TOX: variants seen among roughly 807,000 people sequenced by gnomAD.
TOX encodes the protein thymocyte selection associated high mobility group box.
A neutral mutation model predicts 53.7 loss-of-function variants in TOX; 11 were observed. The observed-to-expected ratio is 0.20, with a 90% CI of 0.13 to 0.34. TOX has a LOEUF of 0.34. TOX is among the 10% of genes least tolerant of loss of function. The probability of loss-of-function intolerance (pLI) is 1.00; values close to 1 mark genes in which losing one functional copy is unlikely to be tolerated. For missense variants in TOX, 570 were observed against 664.6 expected (o/e 0.86, Z 1.56); for synonymous variants, 225 against 245.3 (o/e 0.92, Z 0.77).
intron 2 of TOX, among the ~76,000 whole-genome samples, chr8:58,945,234 T>G (rs1400180656): frequency 1.3e-5 from 2 of 152,220 alleles, no homozygotes; most frequent in Non-Finnish European, 2.9e-5. Flanking sequence ...TCTAAATTTG[T>G]ACAAAAGCTA....
intron 1 of TOX, among the ~76,000 whole-genome samples, chr8:58,960,782 C>G (rs1340318648): frequency 6.6e-6 from 1 of 152,210 alleles, no homozygotes; most frequent in Non-Finnish European, 1.5e-5. Context: ...CAACAAAATA[C>G]TTTTCAGTAT....
At chr8:58,969,374 C>A (rs1183721295) in intron 1 of TOX, among the ~76,000 whole-genome samples, 1 of 152,174 alleles carries the variant, frequency 6.6e-6, no homozygotes, top group African/African-American at 2.4e-5. Flanking sequence ...CGAAGCAAAG[C>A]TCTGTTTACA....
At chr8:58,971,220 G>C (rs1481521924) in intron 1 of TOX, among the ~76,000 whole-genome samples, 1 of 152,232 alleles carries the variant, frequency 6.6e-6, no homozygotes, top group Non-Finnish European at 1.5e-5. Flanking sequence ...ATCTGTAGCA[G>C]CACGATGAGG....
chr8:59,086,164 T>C (rs563117838), intron 1 of TOX, among the ~76,000 whole-genome samples: 160 of 152,092 alleles, frequency 1.1e-3, no homozygotes, highest in African/African-American at 3.3e-3. Context: ...TTTGTGTTTT[T>C]AGTAGAGATG....
chr8:58,859,505 T>C (rs896484169), intron 3 of TOX, among the ~76,000 whole-genome samples: 2 of 152,166 alleles, frequency 1.3e-5, no homozygotes, highest in Non-Finnish European at 2.9e-5. Flanking sequence ...ATACCTGTAG[T>C]TTAGTTAGGG....
chr8:58,983,755 C>CT (rs1333877692), intron 1 of TOX, among the ~76,000 whole-genome samples: 1 of 152,146 alleles, frequency 6.6e-6, no homozygotes, highest in African/African-American at 2.4e-5. Flanking sequence ...CCCTTTTGCC[C>CT]TGTAGAGGTT....
chr8:59,048,315 G>C (rs1803725704), intron 1 of TOX, among the ~76,000 whole-genome samples: 1 of 152,178 alleles, frequency 6.6e-6, no homozygotes, highest in Admixed American at 6.5e-5. Flanking sequence ...CTATTAGATT[G>C]TGTTCAGCAA....
At chr8:58,880,604 A>G (rs549717482) in intron 3 of TOX, among the ~76,000 whole-genome samples, 18 of 152,330 alleles carry the variant, frequency 1.2e-4, no homozygotes, top group Admixed American at 1.2e-3. Flanking sequence ...TTCTGCTAGA[A>G]TAAGACCCTG....
At chr8:58,887,521 A>C (rs971562557) in intron 3 of TOX, among the ~76,000 whole-genome samples, 3 of 151,818 alleles carry the variant, frequency 2.0e-5, no homozygotes, top group Admixed American at 1.3e-4. Flanking sequence ...TTTTTATAGA[A>C]TTTTCAAACT....
intron 1 of TOX, among the ~76,000 whole-genome samples, chr8:58,990,071 A>G (rs1409588485): frequency 1.3e-5 from 2 of 152,210 alleles, no homozygotes; most frequent in Non-Finnish European, 2.9e-5. Context: ...TGCAATATTT[A>G]CTATATCCCA....
intron 3 of TOX, among the ~76,000 whole-genome samples, chr8:58,887,533 A>G (rs959536477): frequency 1.1e-4 from 16 of 151,914 alleles, no homozygotes; most frequent in Admixed American, 3.9e-4. Context: ...TTTCAAACTT[A>G]TTTACAAGGA....
Position 58,851,821 on chromosome 8 carries a change from AAATAAATAAAT to A in TOX, c.412-27_412-17del, listed in dbSNP as rs1585860512. 1.6e-6 allele frequency: 2 copies of A among 1,257,662 alleles called. No individual in the cohort carries two copies. The highest frequency in any genetic ancestry group is 6.6e-5 in the East Asian group (2 of 30,416). 77.9% of individuals were successfully genotyped at this position (1,257,662 alleles called of 1,614,324 possible). A position where few individuals can be genotyped will look rare whatever the true frequency, so the allele number is the denominator to read the frequency against. ...TATCTGGCATCTACAATAAATAAAT[AAATAAATAAAT>A]AAATAAATAAATAAATAGGAAAGGA... is the stretch of plus-strand genomic sequence containing the variant. On this transcript the variant is annotated splice_polypyrimidine_tract_variant and intron_variant, in intron 3 of 8. Transcript: ENST00000361421. The surrounding 1 kb of genome is among the most constrained non-coding windows in gnomAD (Gnocchi z 4.4).
At chr8:58,941,365 C>A (rs1812436787) in intron 2 of TOX, among the ~76,000 whole-genome samples, 1 of 152,038 alleles carries the variant, frequency 6.6e-6, no homozygotes, top group Admixed American at 6.6e-5. Flanking sequence ...CTATTATTAC[C>A]CCCAGTTTCC....
chr8:58,961,080 T>C (rs1427236430), intron 1 of TOX, among the ~76,000 whole-genome samples: 1 of 152,166 alleles, frequency 6.6e-6, no homozygotes, highest in Non-Finnish European at 1.5e-5. Context: ...CTTCATATAC[T>C]ATGAAAAAAT....
At chr8:58,883,000 TAGATTTCTCTGACACAC>T (rs1456271547) in intron 3 of TOX, among the ~76,000 whole-genome samples, 1 of 152,228 alleles carries the variant, frequency 6.6e-6, no homozygotes, top group Non-Finnish European at 1.5e-5. Flanking sequence ...AGGCAAACCA[TAGATTTCTCTGACACAC>T]ACACGTACAC....
At chr8:59,003,322 G>A (rs1441839230) in intron 1 of TOX, among the ~76,000 whole-genome samples, 1 of 152,030 alleles carries the variant, frequency 6.6e-6, no homozygotes, top group Non-Finnish European at 1.5e-5. Flanking sequence ...TTTTTCAGGT[G>A]CGATTCAAGA....
chr8:59,072,515 C>G (rs1804214774), intron 1 of TOX, among the ~76,000 whole-genome samples: 1 of 152,142 alleles, frequency 6.6e-6, no homozygotes, highest in Non-Finnish European at 1.5e-5. Context: ...AAGGGAAATA[C>G]ACAAATTATG....
intron 1 of TOX, among the ~76,000 whole-genome samples, chr8:58,982,899 C>G (rs1237651194): frequency 2.0e-5 from 3 of 152,168 alleles, no homozygotes; most frequent in Admixed American, 1.3e-4. Context: ...CTCAGTGAAG[C>G]CAAACCAATG....
At chr8:58,892,604 T>C (rs1320420407) in intron 3 of TOX, among the ~76,000 whole-genome samples, 1 of 152,162 alleles carries the variant, frequency 6.6e-6, no homozygotes, top group Non-Finnish European at 1.5e-5. Flanking sequence ...CCGTACAGGA[T>C]TTCAAGTACT....
Sources: allele counts gnomAD v4.1 joint callset (sites outside exome capture counted in the v4.1 genomes callset), GRCh38; gene constraint gnomAD v4.1.1; non-coding constraint Gnocchi (gnomAD v3.1); transcripts MANE v1.5; gene names NCBI Gene and HGNC (gene_info 2026-07-23, HGNC 2026-07-21).